The following LAMA2 variants were observed in gnomAD, a reference collection of about 807,000 sequenced individuals.
The protein encoded by LAMA2 is laminin subunit alpha 2.
LAMA2 carries 269 observed loss-of-function variants against 364.8 expected under a neutral mutation model. That is an observed-to-expected ratio of 0.74 (90% CI 0.67 to 0.82). LAMA2 has a LOEUF of 0.82. LAMA2 is among the 40% of genes least tolerant of loss of function. The pLI, the probability that LAMA2 is intolerant of heterozygous loss-of-function variation, is 0.00. For missense variants in LAMA2, 3,807 were observed against 3,873.2 expected (o/e 0.98, Z 0.45); for synonymous variants, 1,379 against 1,370.6 (o/e 1.01, Z -0.14).
chr6:129,241,686 T>C (rs1018944984), intron 12 of LAMA2, among the ~76,000 whole-genome samples: 10 of 152,186 alleles, frequency 6.6e-5, no homozygotes, highest in Non-Finnish European at 1.5e-4. Flanking sequence ...GTGTGATTTA[T>C]ATATGACTCC....
rs549170142 is a variant in LAMA2 at position 129,286,409 on chromosome 6, G to A, written c.2538-1438G>A. 7.3e-5 allele frequency among the ~76,000 whole-genome samples: 11 copies of A among 150,096 alleles called. No individual in the cohort carries two copies. The South Asian group carries it at 2.1e-3, about 28-fold the overall frequency. On this transcript the variant is annotated intron_variant, in intron 18 of 64. Transcript: ENST00000421865. The stretch of plus-strand genomic sequence containing the variant: ...ATAAATAGGCGCTGCCTATAAGGAC[G>A]TTTCTGCACACCTGTAGCAGTAAGT...
chr6:129,381,036 A>G (rs1778655941), intron 34 of LAMA2, among the ~76,000 whole-genome samples: 1 of 152,230 alleles, frequency 6.6e-6, no homozygotes, highest in Admixed American at 6.5e-5. Flanking sequence ...TTGAGTTATA[A>G]ATAAGAATTG....
intron 62 of LAMA2, among the ~76,000 whole-genome samples, chr6:129,508,323 T>A (rs1786274133): frequency 6.6e-6 from 1 of 152,236 alleles, no homozygotes; most frequent in African/African-American, 2.4e-5. Flanking sequence ...AATAATCATA[T>A]CAGGGTAAAT....
intron 12 of LAMA2, among the ~76,000 whole-genome samples, chr6:129,243,632 ATACTTTTCATCAC>A (rs1463023098): frequency 2.6e-5 from 4 of 151,994 alleles, no homozygotes; most frequent in Non-Finnish European, 5.9e-5. Flanking sequence ...TGTCACATTC[ATACTTTTCATCAC>A]TACTTTTTAT....
intron 14 of LAMA2, among the ~76,000 whole-genome samples, chr6:129,259,588 T>C (rs1786974991): frequency 6.6e-6 from 1 of 152,110 alleles, no homozygotes; most frequent in Non-Finnish European, 1.5e-5. Flanking sequence ...GTGAAAAGTA[T>C]ATTTCTTGTA....
intron 19 of LAMA2, 75 bp from the exon 20 acceptor site, chr6:129,291,539 G>A: frequency 3.0e-6 from 3 of 997,268 alleles, no homozygotes; most frequent in Admixed American, 3.8e-5. Flanking sequence ...ACCATGTGGG[G>A]TATATTATTA....
Position 128,911,238 on chromosome 6 carries a change from C to A in LAMA2, c.112+27881C>A, listed in dbSNP as rs9321138. ...ATGGCAGACGCCCCTCCCCCAGCCT[C>A]GCTGCCGCCTTGCAGTTTGATCTCA... On this transcript the variant is annotated intron_variant, in intron 1 of 64. Transcript: ENST00000421865. Among the ~76,000 whole-genome samples the A allele has an allele frequency of 5.0e-3, 766 of 152,284 alleles. 6 individuals are homozygous for A. The highest frequency in any genetic ancestry group is 0.017 in the African/African-American group (709 of 41,550).
At chr6:129,160,993 C>T (rs1238091554) in intron 8 of LAMA2, among the ~76,000 whole-genome samples, 3 of 151,958 alleles carry the variant, frequency 2.0e-5, no homozygotes, top group South Asian at 2.1e-4. Context: ...TTCCAATCTG[C>T]GATTATGGAT....
intron 5 of LAMA2, among the ~76,000 whole-genome samples, chr6:129,146,687 TAC>T (rs1020311590): frequency 6.6e-5 from 10 of 152,040 alleles, no homozygotes; most frequent in African/African-American, 2.4e-4. Flanking sequence ...CAGCCACAGG[TAC>T]TCTAGCATGG....
intron 12 of LAMA2, among the ~76,000 whole-genome samples, chr6:129,195,855 T>C (rs1187480887): frequency 6.6e-6 from 1 of 152,190 alleles, no homozygotes; most frequent in Non-Finnish European, 1.5e-5. Flanking sequence ...TTGGGATAAT[T>C]TACTGCCCTA....
At chr6:129,397,782 T>TA (rs200567333) in intron 37 of LAMA2, among the ~76,000 whole-genome samples, 1 of 150,224 alleles carries the variant, frequency 6.7e-6, no homozygotes. Context: ...AATACAAAAA[T>TA]AAAAAAAATT....
intron 34 of LAMA2, among the ~76,000 whole-genome samples, chr6:129,375,556 C>G (rs1295639135): frequency 6.6e-6 from 1 of 152,076 alleles, no homozygotes; most frequent in Non-Finnish European, 1.5e-5. Context: ...CAGCTTTGAT[C>G]TTTCCTTCCT....
chr6:129,403,249 A>C lies in LAMA2; in HGVS notation c.5727-572A>C, dbSNP rs1229109651. Among the ~76,000 whole-genome samples the C allele has an allele frequency of 2.5e-5, 3 of 119,972 alleles. No homozygotes were observed. In the South Asian group the frequency reaches 8.4e-4, roughly 34 times the overall value. 78.7% of individuals were successfully genotyped at this position (119,972 alleles called of 152,430 possible). The stretch of plus-strand genomic sequence containing the variant: ...CTAATGTTTGAAGACCTTGGACAAT[A>C]TATGAACTATCATTTTATTTTATGT... On this transcript the variant is annotated intron_variant, in intron 39 of 64. Coordinates refer to ENST00000421865, the MANE Select transcript of LAMA2 (RefSeq NM_000426.4).
At chr6:129,133,867 AACACAC>A (rs148016532) in intron 4 of LAMA2, among the ~76,000 whole-genome samples, 1 of 151,236 alleles carries the variant, frequency 6.6e-6, no homozygotes, top group East Asian at 1.9e-4. Flanking sequence ...GAGACAATTC[AACACAC>A]ACACACACAC....
At chr6:129,258,632 T>C (rs1278470946) in intron 14 of LAMA2, among the ~76,000 whole-genome samples, 1 of 152,052 alleles carries the variant, frequency 6.6e-6, no homozygotes, top group African/African-American at 2.4e-5. Flanking sequence ...ATCACAGAAT[T>C]GTACAATTTA....
At chr6:129,305,071 T>A (rs1329233976) in intron 22 of LAMA2, among the ~76,000 whole-genome samples, 1 of 152,190 alleles carries the variant, frequency 6.6e-6, no homozygotes, top group Non-Finnish European at 1.5e-5. Context: ...TCTCTCAGGT[T>A]TTATTCACAT....
In LAMA2 at chr6:129,019,780, T is replaced by G. The variant is rs74828117; in HGVS notation, c.113-30138T>G. Reference sequence around the variant, plus strand: ...AAAATGGCCTGATTGAGGAACTGATTGAGATGATTAAGAGCTCTGTAGCAG... The same window carrying G: ...AAAATGGCCTGATTGAGGAACTGATGGAGATGATTAAGAGCTCTGTAGCAG... On this transcript the variant is annotated intron_variant, in intron 1 of 64. Coordinates refer to ENST00000421865, the MANE Select transcript of LAMA2 (RefSeq NM_000426.4). Among the ~76,000 whole-genome samples, 38 of 152,246 alleles carry G rather than the reference T, an allele frequency of 2.5e-4. 1 individual carries two copies. In the East Asian group the frequency reaches 7.3e-3, roughly 29 times the overall value.
At chr6:129,468,297 A>T (rs1005882809) in intron 51 of LAMA2, among the ~76,000 whole-genome samples, 1 of 151,826 alleles carries the variant, frequency 6.6e-6, no homozygotes, top group Non-Finnish European at 1.5e-5. Context: ...CCTTCTGCCC[A>T]TGGTTGTTAC....
intron 12 of LAMA2, among the ~76,000 whole-genome samples, chr6:129,205,184 T>C (rs1294480224): frequency 6.6e-6 from 1 of 151,504 alleles, no homozygotes. Context: ...CGTCAGGAGA[T>C]GGAGACCATC....
Sources: gnomAD v4.1 joint callset for allele counts (sites outside exome capture counted in the v4.1 genomes callset) on GRCh38, gnomAD v4.1.1 for gene constraint, MANE v1.5 for transcripts, NCBI Gene and HGNC (gene_info 2026-07-23, HGNC 2026-07-21) for gene names.